Variants in MYOF observed in about 807,000 individuals in gnomAD.
MYOF encodes the protein myoferlin.
In MYOF, 244 loss-of-function variants were observed where a neutral mutation model predicts 284.2. The ratio of observed to expected loss-of-function variants is 0.86; its 90% CI spans 0.77 to 0.95. The LOEUF is 0.95. Among genes scored for constraint, MYOF ranks in the 40% least tolerant of loss-of-function variants. MYOF has a pLI of 0.00. For missense variants in MYOF, 2,496 were observed against 2,560.6 expected (o/e 0.97, Z 0.54); for synonymous variants, 904 against 919.7 (o/e 0.98, Z 0.31).
chr10:93,343,103 T>C (rs1023106694), intron 38 of MYOF, among the ~76,000 whole-genome samples: 1 of 152,222 alleles, frequency 6.6e-6, no homozygotes, highest in African/African-American at 2.4e-5. Context: ...AGTGCAATCA[T>C]GTGCATTTTT....
chr10:93,344,017 A>G (rs1844055534), intron 37 of MYOF, 85 bp from the exon 38 acceptor site: 4 of 1,413,216 alleles, frequency 2.8e-6, no homozygotes, highest in Admixed American at 1.9e-5. Flanking sequence ...TTTAACAGCC[A>G]TAGGGTGGAT....
At chr10:93,368,892 G>T (rs1845447361) in intron 25 of MYOF, among the ~76,000 whole-genome samples, 1 of 152,150 alleles carries the variant, frequency 6.6e-6, no homozygotes, top group Admixed American at 6.5e-5. Flanking sequence ...AAAGTTATCA[G>T]AAGAGACCCA....
intron 45 of MYOF, among the ~76,000 whole-genome samples, chr10:93,328,182 C>T (rs1294773145): frequency 6.6e-6 from 1 of 152,186 alleles, no homozygotes; most frequent in African/African-American, 2.4e-5. Context: ...TTGCCACCGC[C>T]CCCTCTGGGT....
At chr10:93,321,158 G>T (rs536158452) in intron 48 of MYOF, among the ~76,000 whole-genome samples, 2 of 152,244 alleles carry the variant, frequency 1.3e-5, no homozygotes, top group Admixed American at 1.3e-4. Context: ...GGTTCAGAGA[G>T]AATATATTAA....
intron 5 of MYOF, among the ~76,000 whole-genome samples, chr10:93,419,568 A>G (rs1340580578): frequency 1.3e-5 from 2 of 152,224 alleles, no homozygotes; most frequent in Non-Finnish European, 2.9e-5. Context: ...ATTAACAATT[A>G]TGACTTCTCA....
intron 25 of MYOF, among the ~76,000 whole-genome samples, chr10:93,367,257 C>T (rs1845369220): frequency 6.6e-6 from 1 of 152,200 alleles, no homozygotes; most frequent in Non-Finnish European, 1.5e-5. Flanking sequence ...CTATGACGGT[C>T]TGCTCTTCAT....
At position 93,386,090 on chromosome 10, in the gene MYOF, T is replaced by C. The variant is rs117976082; in HGVS notation, c.1698+1707A>G. ...CAAATAAAAGAGGTACTATAATGGT[T>C]GAGTGTCCATGGTGGCATTTCTGAA... On this transcript the variant is annotated intron_variant, in intron 19 of 53. Coordinates refer to ENST00000359263, the MANE Select transcript of MYOF (RefSeq NM_013451.4). Among the ~76,000 whole-genome samples the C allele has an allele frequency of 1.9e-3, 286 of 152,348 alleles. 1 individual carries two copies. The highest frequency in any genetic ancestry group is 2.9e-3 in the Non-Finnish European group (197 of 68,040).
chr10:93,443,093 G>A (rs571713579), intron 3 of MYOF, among the ~76,000 whole-genome samples: 15 of 143,882 alleles, frequency 1.0e-4, no homozygotes, highest in African/African-American at 1.7e-4. Context: ...ACCCGGAGGC[G>A]GAGGTTGCAG....
intron 5 of MYOF, among the ~76,000 whole-genome samples, chr10:93,419,495 A>G (rs534978509): frequency 3.5e-4 from 54 of 152,242 alleles, no homozygotes; most frequent in African/African-American, 1.3e-3. Flanking sequence ...AAATTTTTAA[A>G]CCATATTCAG....
At chr10:93,358,304 T>A (rs1011446374) in intron 29 of MYOF, among the ~76,000 whole-genome samples, 1 of 152,140 alleles carries the variant, frequency 6.6e-6, no homozygotes, top group Admixed American at 6.5e-5. Context: ...AAACAACAGA[T>A]GATGGTGAGG....
Position 93,422,670 on chromosome 10 carries a change from C to T in MYOF, c.433+3401G>A, listed in dbSNP as rs188798840. Reference sequence around the variant, plus strand: ...AATTAGCCGGGCATAGTGGTGCACACCTGTAATACCAGCTACTTGGGAGGC... The same window carrying T: ...AATTAGCCGGGCATAGTGGTGCACATCTGTAATACCAGCTACTTGGGAGGC... On this transcript the variant is annotated intron_variant, in intron 5 of 53. Coordinates refer to ENST00000359263, the MANE Select transcript of MYOF (RefSeq NM_013451.4). Among the ~76,000 whole-genome samples the T allele has an allele frequency of 9.2e-5, 14 of 152,212 alleles. No homozygotes were observed. In the East Asian group the frequency reaches 2.7e-3, roughly 29 times the overall value.
At chr10:93,344,507 A>T (rs1474196604) in intron 37 of MYOF, among the ~76,000 whole-genome samples, 1 of 152,098 alleles carries the variant, frequency 6.6e-6, no homozygotes, top group African/African-American at 2.4e-5. Context: ...CAGAGAGCCT[A>T]CATCTAAAGG....
At chr10:93,332,226 A>ATTTT (rs10657534) in intron 43 of MYOF, among the ~76,000 whole-genome samples, 3 of 147,776 alleles carry the variant, frequency 2.0e-5, no homozygotes, top group Non-Finnish European at 3.0e-5. Context: ...TCATTCTTTT[A>ATTTT]TTTTTTTTTT....
chr10:93,399,237 G>T (rs953985571), intron 13 of MYOF, among the ~76,000 whole-genome samples, 155 bp downstream of exon 13: 1 of 152,194 alleles, frequency 6.6e-6, no homozygotes, highest in Non-Finnish European at 1.5e-5. Context: ...GAGAAGTCTG[G>T]CGTGTTCAGA....
intron 3 of MYOF, among the ~76,000 whole-genome samples, chr10:93,447,931 G>A (rs2056480317): frequency 6.6e-6 from 1 of 152,148 alleles, no homozygotes; most frequent in Non-Finnish European, 1.5e-5. Flanking sequence ...TCTCTACACA[G>A]AAAGCCTGAG....
intron 1 of MYOF, among the ~76,000 whole-genome samples, chr10:93,463,239 C>T (rs1434404797): frequency 6.6e-6 from 1 of 152,100 alleles, no homozygotes; most frequent in Admixed American, 6.6e-5. Flanking sequence ...TGTTCACCTA[C>T]CAGCCAGTGT....
At chr10:93,457,803 G>A (rs145378416) in intron 1 of MYOF, among the ~76,000 whole-genome samples, 81 of 148,906 alleles carry the variant, frequency 5.4e-4, no homozygotes, top group Middle Eastern at 3.4e-3. Flanking sequence ...GCACTATTTC[G>A]GCTCACTGCA....
chr10:93,395,836 T>C (rs74573119), intron 16 of MYOF, among the ~76,000 whole-genome samples: 2,012 of 151,580 alleles, frequency 0.013, 41 homozygotes, highest in African/African-American at 0.045. Flanking sequence ...AAAACCGCTA[T>C]TGGGAAAGAA....
chr10:93,354,988 A>T (rs1348297273), intron 31 of MYOF, among the ~76,000 whole-genome samples: 1 of 152,206 alleles, frequency 6.6e-6, no homozygotes, highest in Non-Finnish European at 1.5e-5. Context: ...CATTCCAAAA[A>T]TCCTGAAAAT....
Sources: allele counts gnomAD v4.1 joint callset (sites outside exome capture counted in the v4.1 genomes callset), GRCh38; gene constraint gnomAD v4.1.1; transcripts MANE v1.5; gene names NCBI Gene and HGNC (gene_info 2026-07-23, HGNC 2026-07-21).